Variants in KIF13B observed in about 807,000 individuals in gnomAD.
KIF13B encodes kinesin family member 13B.
A neutral mutation model predicts 222.0 loss-of-function variants in KIF13B; 127 were observed. That is an observed-to-expected ratio of 0.57 (90% CI 0.50 to 0.66). The LOEUF (loss-of-function observed/expected upper bound fraction) is 0.66. Ranked by LOEUF, KIF13B falls within the 30% of genes least tolerant of loss-of-function variation. KIF13B has a pLI of 0.00. For missense variants in KIF13B, 2,173 were observed against 2,379.0 expected (o/e 0.91, Z 1.80); for synonymous variants, 976 against 919.0 (o/e 1.06, Z -1.12).
chr8:29,102,980 C>G (rs912463194), intron 35 of KIF13B, among the ~76,000 whole-genome samples: 1 of 152,170 alleles, frequency 6.6e-6, no homozygotes, highest in East Asian at 1.9e-4. Flanking sequence ...CGGTGGCTCA[C>G]GCCCGTAATC....
At chr8:29,223,980 G>A (rs1054393377) in intron 2 of KIF13B, among the ~76,000 whole-genome samples, 1 of 147,316 alleles carries the variant, frequency 6.8e-6, no homozygotes, top group African/African-American at 2.5e-5. Flanking sequence ...CGTGAGCCAC[G>A]GCGCCCAGCC....
chr8:29,215,786 C>T (rs752190056), intron 2 of KIF13B, among the ~76,000 whole-genome samples: 3 of 151,900 alleles, frequency 2.0e-5, no homozygotes, highest in East Asian at 1.9e-4. Flanking sequence ...TGAAGGACAA[C>T]GACAAAAAGT....
chr8:29,259,382 C>T (rs1417347254), intron 1 of KIF13B, among the ~76,000 whole-genome samples: 1 of 152,204 alleles, frequency 6.6e-6, no homozygotes, highest in Non-Finnish European at 1.5e-5. Context: ...TTTCTATCTT[C>T]ATTTCTTTCG....
intron 36 of KIF13B, among the ~76,000 whole-genome samples, chr8:29,093,467 T>C (rs1219559844): frequency 6.6e-6 from 1 of 152,202 alleles, no homozygotes; most frequent in Non-Finnish European, 1.5e-5. Flanking sequence ...CAGACAGGTA[T>C]ACTTATGATA....
chr8:29,171,326 C>T (rs191020417), intron 10 of KIF13B, among the ~76,000 whole-genome samples: 106 of 152,280 alleles, frequency 7.0e-4, no homozygotes, highest in African/African-American at 2.5e-3. Flanking sequence ...GCACTCACAT[C>T]TATTCTGGAC....
chr8:29,097,170 A>T (rs1019729534), intron 36 of KIF13B, among the ~76,000 whole-genome samples: 2 of 152,260 alleles, frequency 1.3e-5, no homozygotes, highest in Admixed American at 6.5e-5. Context: ...TGATGCAGTT[A>T]TATATAAATG....
At chr8:29,192,532 G>A (rs1036537473) in intron 3 of KIF13B, among the ~76,000 whole-genome samples, 3 of 152,136 alleles carry the variant, frequency 2.0e-5, no homozygotes, top group Non-Finnish European at 4.4e-5. Context: ...TTACAGCTGT[G>A]AGCCACCATG....
At chr8:29,255,698 C>T (rs1816448980) in intron 1 of KIF13B, among the ~76,000 whole-genome samples, 2 of 152,132 alleles carry the variant, frequency 1.3e-5, no homozygotes, top group African/African-American at 2.4e-5. Context: ...CACTCCTCAG[C>T]CCACTGCCAA....
chr8:29,090,300 C>G (rs1350238996), intron 37 of KIF13B, among the ~76,000 whole-genome samples: 1 of 152,112 alleles, frequency 6.6e-6, no homozygotes, highest in Admixed American at 6.5e-5. Context: ...ATCATTCTGG[C>G]TACTCTGTTT....
In KIF13B at chr8:29,186,993, T is replaced by G. The variant is rs372881428; in HGVS notation, c.317-521A>C. Among the ~76,000 whole-genome samples the G allele has an allele frequency of 1.3e-3, 171 of 134,038 alleles. 1 individual carries two copies. In the East Asian group the frequency reaches 0.026, roughly 20 times the overall value. 87.9% of individuals were successfully genotyped at this position (134,038 alleles called of 152,430 possible). A position where few individuals can be genotyped will look rare whatever the true frequency, so the allele number is the denominator to read the frequency against. ...CCAAAAAAAAAAAAAAAAAGAAAAA[T>G]AAACTTATTTAATCATCCTCATACT... On this transcript the variant is annotated intron_variant, in intron 5 of 39. Coordinates refer to ENST00000524189, the MANE Select transcript of KIF13B (RefSeq NM_015254.4).
chr8:29,228,472 A>AAAAAAAAAAATATAAATATATATATATAT, intron 2 of KIF13B, among the ~76,000 whole-genome samples: 1 of 117,086 alleles, frequency 8.5e-6, no homozygotes, highest in Non-Finnish European at 1.8e-5. Context: ...ATCTTAAAAA[A>AAAAAAAAAAATATAAATATATATATATAT]ATATATATAT....
At chr8:29,244,026 T>C (rs1815906111) in intron 2 of KIF13B, among the ~76,000 whole-genome samples, 1 of 152,222 alleles carries the variant, frequency 6.6e-6, no homozygotes, top group Non-Finnish European at 1.5e-5. Context: ...TCTTTTCTTT[T>C]TTTTTGAGAC....
At chr8:29,150,236 A>G in intron 15 of KIF13B, 61 bp downstream of exon 15, 2 of 901,388 alleles carry the variant, frequency 2.2e-6, no homozygotes, top group South Asian at 3.1e-5. Context: ...TTTAACATGT[A>G]TTTTCTATTT....
At chr8:29,254,048 G>A (rs1240977073) in intron 1 of KIF13B, among the ~76,000 whole-genome samples, 1 of 152,068 alleles carries the variant, frequency 6.6e-6, no homozygotes, top group African/African-American at 2.4e-5. Context: ...TCACAGTTAT[G>A]GTCAATTGAT....
chr8:29,170,652 A>G (rs1812196655), intron 10 of KIF13B, among the ~76,000 whole-genome samples: 1 of 152,214 alleles, frequency 6.6e-6, no homozygotes, highest in African/African-American at 2.4e-5. Flanking sequence ...GAACAAGAGT[A>G]AAGTCCTAGA....
At position 29,220,164 on chromosome 8, in the gene KIF13B, T is replaced by C. The variant is rs1278420319; in HGVS notation, c.150-23965A>G. Among the ~76,000 whole-genome samples, 6 of 152,216 alleles carry C rather than the reference T, an allele frequency of 3.9e-5. No individual in the cohort carries two copies. In the East Asian group the frequency reaches 9.6e-4, roughly 24 times the overall value. ...AACCCCCCTGTACACAACTCACTCC[T>C]TTAAAGAAAAAAACTGAAATGTAAG... On this transcript the variant is annotated intron_variant, in intron 2 of 39. Coordinates refer to ENST00000524189, the MANE Select transcript of KIF13B (RefSeq NM_015254.4).
intron 36 of KIF13B, among the ~76,000 whole-genome samples, chr8:29,097,675 G>C (rs188508882): frequency 2.6e-5 from 4 of 152,162 alleles, no homozygotes; most frequent in Non-Finnish European, 5.9e-5. Context: ...TGAATAGAAT[G>C]AAAATGAAAG....
Position 29,167,316 on chromosome 8 carries a change from G to A in KIF13B, c.1158+57C>T, listed in dbSNP as rs986758294. The A allele has an allele frequency of 9.2e-5, 131 of 1,431,142 alleles. No homozygotes were observed. The East Asian group carries it at 1.1e-3, about 12-fold the overall frequency. The allele number at this position is 1,431,142 out of a possible 1,614,324, so 88.7% of individuals were successfully genotyped here. On this transcript the variant is annotated intron_variant, in intron 11 of 39. Coordinates refer to ENST00000524189, the MANE Select transcript of KIF13B (RefSeq NM_015254.4). ...CACAGCCCAGGGGAAGGAAATTCAAGCTCTAGGCTGATTCCTCTTCCTGGA... is the reference window on the plus strand; with the variant it reads ...CACAGCCCAGGGGAAGGAAATTCAAACTCTAGGCTGATTCCTCTTCCTGGA...
intron 9 of KIF13B, 56 bp downstream of exon 9, chr8:29,177,410 C>A (rs908928282): frequency 4.0e-5 from 45 of 1,114,730 alleles, no homozygotes; most frequent in Middle Eastern, 3.9e-4. Flanking sequence ...CACAGATGTT[C>A]CCCTATTGGC....
Sources: allele counts gnomAD v4.1 joint callset (sites outside exome capture counted in the v4.1 genomes callset), GRCh38; gene constraint gnomAD v4.1.1; transcripts MANE v1.5; gene names NCBI Gene and HGNC (gene_info 2026-07-23, HGNC 2026-07-21).